NIM1K: variants seen among roughly 807,000 people sequenced by gnomAD.
NIM1K encodes the protein NIM1 serine/threonine protein kinase.
NIM1K carries 35 observed loss-of-function variants against 37.1 expected under a neutral mutation model. That is an observed-to-expected ratio of 0.94 (90% CI 0.72 to 1.25). The LOEUF (loss-of-function observed/expected upper bound fraction) is 1.25, where lower values mean the gene tolerates loss of function less well. Among genes scored for constraint, NIM1K ranks in the 50% most tolerant of loss-of-function variants. NIM1K has a pLI of 0.00. For synonymous variants in NIM1K, 234 were observed against 206.6 expected (o/e 1.13, Z -1.14); for missense variants, 564 against 548.0 (o/e 1.03, Z -0.29).
At chr5:43,217,506 C>T (rs537061729) in intron 1 of NIM1K, among the ~76,000 whole-genome samples, 19 of 150,278 alleles carry the variant, frequency 1.3e-4, no homozygotes, top group African/African-American at 4.4e-4. Flanking sequence ...ACGTTCCAAC[C>T]AGCAGCATAT....
At chr5:43,271,563 A>C (rs1439097948) in intron 2 of NIM1K, among the ~76,000 whole-genome samples, 1 of 152,232 alleles carries the variant, frequency 6.6e-6, no homozygotes, top group East Asian at 1.9e-4. Context: ...ATATGTACAG[A>C]GACCACATGT....
chr5:43,263,980 G>C (rs1753078756), intron 2 of NIM1K, among the ~76,000 whole-genome samples: 1 of 152,200 alleles, frequency 6.6e-6, no homozygotes, highest in Non-Finnish European at 1.5e-5. Flanking sequence ...ACTGTGGTCT[G>C]AGAGACAGTT....
chr5:43,235,656 G>A (rs1464273544), intron 1 of NIM1K, among the ~76,000 whole-genome samples: 1 of 152,222 alleles, frequency 6.6e-6, no homozygotes, highest in Non-Finnish European at 1.5e-5. Flanking sequence ...TGACAAAAAT[G>A]TATTCAGTAA....
intron 1 of NIM1K, among the ~76,000 whole-genome samples, chr5:43,222,590 C>T (rs573379797): frequency 1.6e-4 from 25 of 151,970 alleles, no homozygotes; most frequent in African/African-American, 5.1e-4. Flanking sequence ...AAAAACTAGC[C>T]GAGCATGGTG....
intron 1 of NIM1K, chr5:43,232,717 G>A (rs1219027628): frequency 2.8e-5 from 38 of 1,378,500 alleles, no homozygotes; most frequent in South Asian, 9.3e-5. Context: ...TTCCATGAGC[G>A]GGGAGGTGAA....
intron 1 of NIM1K, among the ~76,000 whole-genome samples, chr5:43,221,768 G>A (rs1332284216): frequency 6.6e-6 from 1 of 152,344 alleles, no homozygotes; most frequent in Middle Eastern, 3.4e-3. Context: ...TGGCACAAGG[G>A]TAGGTTGATC....
intron 2 of NIM1K, among the ~76,000 whole-genome samples, chr5:43,265,440 G>C (rs921227990): frequency 1.1e-4 from 16 of 152,134 alleles, no homozygotes; most frequent in African/African-American, 3.9e-4. Context: ...GCATCACATA[G>C]TTCTTGTGCC....
intron 2 of NIM1K, among the ~76,000 whole-genome samples, chr5:43,257,117 A>T (rs963782296): frequency 6.6e-6 from 1 of 152,012 alleles, no homozygotes; most frequent in African/African-American, 2.4e-5. Flanking sequence ...GAGGCTAGGG[A>T]GATGAACACA....
At chr5:43,213,165 TTTTCTTTCTTTC>T (rs70994607) in intron 1 of NIM1K, among the ~76,000 whole-genome samples, 2,599 of 38,936 alleles carry the variant, frequency 0.067, 38 homozygotes, top group Non-Finnish European at 0.069. Flanking sequence ...TTCTTTCTTT[TTTTCTTTCTTTC>T]TTTCTTTCTT....
rs568041302 is a variant in NIM1K, at chr5:43,195,963, C to T, written c.-695+3552C>T. 2.0e-4 allele frequency among the ~76,000 whole-genome samples: 31 copies of T among 152,316 alleles called. 1 individual carries two copies. The highest frequency in any genetic ancestry group is 7.5e-4 in the African/African-American group (31 of 41,562). ...GGAAACTAAGAAGAACTCCACTCTT[C>T]ATCTTCCACAGAGAACACTGATGGT... is the stretch of plus-strand genomic sequence containing the variant. On this transcript the variant is annotated intron_variant, in intron 1 of 3. Coordinates refer to ENST00000326035, the MANE Select transcript of NIM1K (RefSeq NM_153361.4).
In NIM1K at chr5:43,280,099, G is replaced by A. The variant is rs774713269; in HGVS notation, c.681G>A (p.Leu227=). 4.3e-6 allele frequency: 7 copies of A among 1,614,088 alleles called. No individual in the cohort carries two copies. The African/African-American group carries it at 6.7e-5, about 15-fold the overall frequency. Residue 227 remains leucine, a synonymous_variant, in exon 4 of 4, where the codon CTG becomes CTA. Coordinates refer to ENST00000326035, the MANE Select transcript of NIM1K (RefSeq NM_153361.4). ...FSTVSKKGEM[L]NTFCGSPPYA... ...CAGTAAGCAAAAAAGGTGAAATGCT[G>A]AACACTTTCTGTGGGTCTCCTCCCT...
At chr5:43,208,213 A>G (rs188327036) in intron 1 of NIM1K, among the ~76,000 whole-genome samples, 1 of 152,256 alleles carries the variant, frequency 6.6e-6, no homozygotes, top group Admixed American at 6.5e-5. Flanking sequence ...TTCCCCAATA[A>G]TTGACTTAGA....
intron 2 of NIM1K, among the ~76,000 whole-genome samples, chr5:43,252,120 A>G (rs1326046309): frequency 1.3e-5 from 2 of 152,092 alleles, no homozygotes; most frequent in Admixed American, 1.3e-4. Context: ...ATGTGAAAGG[A>G]CAAAAAAAAA....
intron 1 of NIM1K, among the ~76,000 whole-genome samples, chr5:43,229,987 T>G (rs1752515052): frequency 6.6e-6 from 1 of 152,074 alleles, no homozygotes. Context: ...TTGAAATATC[T>G]CTACCTTTAC....
chr5:43,217,724 T>C (rs1752322111), intron 1 of NIM1K, among the ~76,000 whole-genome samples: 1 of 148,398 alleles, frequency 6.7e-6, no homozygotes, highest in Non-Finnish European at 1.5e-5. Flanking sequence ...TTTTTTTTTT[T>C]TTTTTTTTGA....
intron 1 of NIM1K, among the ~76,000 whole-genome samples, chr5:43,208,786 G>A (rs571635243): frequency 2.6e-5 from 4 of 152,300 alleles, no homozygotes; most frequent in Admixed American, 1.3e-4. Context: ...TTAACTGCAA[G>A]TCTTTGATCT....
chr5:43,274,251 G>A lies in NIM1K; in HGVS notation c.293-2806G>A, dbSNP rs1753304705. 1.3e-5 allele frequency among the ~76,000 whole-genome samples: 2 copies of A among 152,186 alleles called. 1 individual carries two copies. The highest frequency in any genetic ancestry group is 1.3e-4 in the Admixed American group (2 of 15,286). On this transcript the variant is annotated intron_variant, in intron 2 of 3. Coordinates refer to ENST00000326035, the MANE Select transcript of NIM1K (RefSeq NM_153361.4). ...AAAGGAAAGGAGAAAAAGAAAACTA[G>A]GGTGGTGCTAAAGGGACATTTGTGA... is the stretch of plus-strand genomic sequence containing the variant.
intron 2 of NIM1K, among the ~76,000 whole-genome samples, chr5:43,266,256 TG>T (rs536741095): frequency 2.6e-5 from 4 of 152,138 alleles, no homozygotes; most frequent in Non-Finnish European, 5.9e-5. Flanking sequence ...CCTTGAGCTG[TG>T]GGGGGCTCCA....
At chr5:43,268,603 A>G (rs1354329093) in intron 2 of NIM1K, among the ~76,000 whole-genome samples, 2 of 152,178 alleles carry the variant, frequency 1.3e-5, no homozygotes, top group Admixed American at 6.5e-5. Context: ...AGGTTCTACA[A>G]TAGTGATGTT....
Sources: allele counts gnomAD v4.1 joint callset (sites outside exome capture counted in the v4.1 genomes callset), GRCh38; gene constraint gnomAD v4.1.1; transcripts MANE v1.5; gene names NCBI Gene and HGNC (gene_info 2026-07-23, HGNC 2026-07-21).